Variants in MSRA observed in about 807,000 individuals in gnomAD.
MSRA encodes the protein mitochondrial peptide methionine sulfoxide reductase.
Under a neutral mutation model 31.3 loss-of-function variants are expected in MSRA, and 54 were observed. The observed-to-expected ratio is 1.73, with a 90% CI of 1.39 to 2.17. MSRA has a LOEUF of 2.17. Ranked by LOEUF, MSRA falls within the 30% of genes most tolerant of loss-of-function variation. The pLI, the probability that MSRA is intolerant of heterozygous loss-of-function variation, is 0.00. For synonymous variants in MSRA, 169 were observed against 116.5 expected (o/e 1.45, Z -2.90); for missense variants, 507 against 300.9 (o/e 1.69, Z -5.07).
chr8:10,386,194 A>G (rs993180540), intron 5 of MSRA, among the ~76,000 whole-genome samples: 7 of 152,234 alleles, frequency 4.6e-5, no homozygotes, highest in Non-Finnish European at 8.8e-5. Flanking sequence ...TCCAGTTTAC[A>G]AACAGAAGCT....
At chr8:10,356,657 G>T (rs558356891) in intron 5 of MSRA, among the ~76,000 whole-genome samples, 1 of 152,150 alleles carries the variant, frequency 6.6e-6, no homozygotes, top group Non-Finnish European at 1.5e-5. Flanking sequence ...GATGAGTGCC[G>T]TTGTAAAGAG....
At chr8:10,239,080 A>G (rs1405814166) in intron 2 of MSRA, among the ~76,000 whole-genome samples, 1 of 152,190 alleles carries the variant, frequency 6.6e-6, no homozygotes, top group Non-Finnish European at 1.5e-5. Context: ...GAACAGAGGC[A>G]CTTTATAAAC....
At chr8:10,360,702 G>T (rs887181431) in intron 5 of MSRA, among the ~76,000 whole-genome samples, 3 of 152,204 alleles carry the variant, frequency 2.0e-5, no homozygotes, top group Non-Finnish European at 4.4e-5. Flanking sequence ...TGGGCTTTTG[G>T]TATTACATCC....
At chr8:10,074,345 G>A (rs1563400755) in intron 1 of MSRA, among the ~76,000 whole-genome samples, 2 of 151,896 alleles carry the variant, frequency 1.3e-5, no homozygotes, top group Non-Finnish European at 1.5e-5. Flanking sequence ...GCCTCCCAAA[G>A]TGCTGGGATT....
At chr8:10,354,748 G>GTATATATATATA (rs1477165567) in intron 5 of MSRA, among the ~76,000 whole-genome samples, 24 of 129,014 alleles carry the variant, frequency 1.9e-4, no homozygotes, top group African/African-American at 6.9e-4. Flanking sequence ...GTGTGTGTGT[G>GTATATATATATA]TGTATATATA....
At chr8:10,238,972 T>C (rs1489380893) in intron 2 of MSRA, among the ~76,000 whole-genome samples, 2 of 152,116 alleles carry the variant, frequency 1.3e-5, no homozygotes, top group Non-Finnish European at 2.9e-5. Flanking sequence ...AAATCAGATA[T>C]GAGGTAATAT....
chr8:10,178,362 G>T (rs1431246595), intron 1 of MSRA, among the ~76,000 whole-genome samples: 2 of 152,070 alleles, frequency 1.3e-5, no homozygotes, highest in African/African-American at 4.8e-5. Flanking sequence ...GGCCTAGGAG[G>T]GGAGATCACT....
rs189271714 is a variant in MSRA, at chr8:10,302,882, T to A, written c.436+1244T>A. On this transcript the variant is annotated intron_variant, in intron 4 of 5. Coordinates refer to ENST00000317173, the MANE Select transcript of MSRA (RefSeq NM_012331.5). The stretch of plus-strand genomic sequence containing the variant: ...AACCGGTAGGACAAGAACACTCTAA[T>A]CAGAAGGTTCACGTGTCACCCTAGC... 7.2e-5 allele frequency among the ~76,000 whole-genome samples: 11 copies of A among 152,188 alleles called. No individual in the cohort carries two copies. The East Asian group carries it at 1.2e-3, about 16-fold the overall frequency.
At chr8:10,272,454 G>A (rs981569290) in intron 3 of MSRA, among the ~76,000 whole-genome samples, 3 of 152,178 alleles carry the variant, frequency 2.0e-5, no homozygotes, top group Non-Finnish European at 2.9e-5. Flanking sequence ...TCAAGCCGGA[G>A]GAGTCCTTTC....
intron 3 of MSRA, among the ~76,000 whole-genome samples, chr8:10,271,571 C>T (rs970832846): frequency 1.8e-3 from 20 of 10,954 alleles, no homozygotes; most frequent in Admixed American, 4.3e-3. Context: ...AACACCTGCC[C>T]GTAAATTCAA....
At chr8:10,347,428 T>C (rs1371630588) in intron 5 of MSRA, among the ~76,000 whole-genome samples, 2 of 152,182 alleles carry the variant, frequency 1.3e-5, no homozygotes, top group African/African-American at 4.8e-5. Context: ...ATGTCCTGAT[T>C]TGTAAAGTCC....
At chr8:10,373,139 C>T (rs1223178628) in intron 5 of MSRA, among the ~76,000 whole-genome samples, 1 of 152,246 alleles carries the variant, frequency 6.6e-6, no homozygotes, top group Non-Finnish European at 1.5e-5. Flanking sequence ...GATCTACCCT[C>T]TTCGGCCTCC....
intron 4 of MSRA, among the ~76,000 whole-genome samples, chr8:10,314,258 A>T (rs1801594556): frequency 6.6e-6 from 1 of 152,222 alleles, no homozygotes; most frequent in Admixed American, 6.5e-5. Context: ...GAACAGAGAG[A>T]TTATATTTGA....
intron 5 of MSRA, among the ~76,000 whole-genome samples, chr8:10,418,135 A>G (rs1004645772): frequency 6.6e-6 from 1 of 152,202 alleles, no homozygotes; most frequent in Admixed American, 6.5e-5. Flanking sequence ...TGATCACAAA[A>G]TGAAATACAC....
intron 5 of MSRA, among the ~76,000 whole-genome samples, chr8:10,363,416 A>C (rs1804967593): frequency 6.6e-6 from 1 of 152,090 alleles, no homozygotes; most frequent in Admixed American, 6.5e-5. Context: ...CTCCCGTCCA[A>C]ATTTACCTGC....
chr8:10,209,939 C>T (rs1214747496), intron 2 of MSRA, among the ~76,000 whole-genome samples: 2 of 152,158 alleles, frequency 1.3e-5, no homozygotes, highest in East Asian at 3.8e-4. Context: ...TTTAGAAGTG[C>T]AGTTTAGCTC....
chr8:10,226,109 C>T (rs986331011), intron 2 of MSRA, among the ~76,000 whole-genome samples: 2 of 152,176 alleles, frequency 1.3e-5, no homozygotes, highest in African/African-American at 4.8e-5. Flanking sequence ...CAGGGAACCA[C>T]GGCTTCTAGT....
intron 4 of MSRA, among the ~76,000 whole-genome samples, chr8:10,308,346 C>T (rs1801251759): frequency 6.6e-6 from 1 of 152,078 alleles, no homozygotes; most frequent in Non-Finnish European, 1.5e-5. Flanking sequence ...AGAGTGTGGA[C>T]CCTGGGGTCA....
chr8:10,171,251 C>T (rs1805561167), intron 1 of MSRA, among the ~76,000 whole-genome samples: 1 of 152,078 alleles, frequency 6.6e-6, no homozygotes, highest in Non-Finnish European at 1.5e-5. Context: ...AATACTTTGT[C>T]TTTCTCTTCT....
Sources: allele counts gnomAD v4.1 joint callset (sites outside exome capture counted in the v4.1 genomes callset), GRCh38; gene constraint gnomAD v4.1.1; transcripts MANE v1.5; gene names NCBI Gene and HGNC (gene_info 2026-07-23, HGNC 2026-07-21).